Variants in CAPN2 observed in about 807,000 individuals in gnomAD.
The protein encoded by CAPN2 is calpain-2 catalytic subunit.
In CAPN2, 92 loss-of-function variants were observed where a neutral mutation model predicts 102.3. The observed-to-expected ratio is 0.90, with a 90% CI of 0.76 to 1.07. CAPN2 has a LOEUF of 1.07. CAPN2 is among the 50% of genes least tolerant of loss of function. The pLI, the probability that CAPN2 is intolerant of heterozygous loss-of-function variation, is 0.00. For missense variants in CAPN2, 800 were observed against 909.4 expected, an observed-to-expected ratio of 0.88 and a Z score of 1.55; for synonymous variants, 340 against 355.4, an observed-to-expected ratio of 0.96 and a Z score of 0.49.
chr1:223,750,479 C>T (rs1183356553), intron 6 of CAPN2, among the ~76,000 whole-genome samples: 1 of 152,134 alleles, frequency 6.6e-6, no homozygotes, highest in Non-Finnish European at 1.5e-5. Context: ...TTCTGGCGAC[C>T]CACCCCAACC....
Position 223,755,439 on chromosome 1 carries a change from C to T in CAPN2, c.1136-41C>T. 1 of 1,608,392 alleles carries T rather than the reference C, an allele frequency of 6.2e-7. No homozygotes were observed. ...GGGCCACCCCCCACCCCCATGCATTCCTGCTCAGGGCTGGGCTCCTCTGCC... is the reference window on the plus strand; with the variant it reads ...GGGCCACCCCCCACCCCCATGCATTTCTGCTCAGGGCTGGGCTCCTCTGCC... On this transcript the variant is annotated intron_variant, in intron 9 of 20. Coordinates refer to ENST00000295006, the MANE Select transcript of CAPN2 (RefSeq NM_001748.5). This position sits in a 1 kb window ranked among gnomAD's most constrained non-coding sequence, Gnocchi z 4.1.
At chr1:223,752,743 G>C in intron 8 of CAPN2, 53 bp from the exon 9 acceptor site, 1 of 1,587,344 alleles carries the variant, frequency 6.3e-7, no homozygotes, top group Non-Finnish European at 8.6e-7. Context: ...GAAAGTCAAG[G>C]CTTACCAGTG....
At chr1:223,769,313 G>A (rs960429307) in intron 16 of CAPN2, among the ~76,000 whole-genome samples, 2 of 152,040 alleles carry the variant, frequency 1.3e-5, no homozygotes, top group African/African-American at 4.8e-5. Context: ...TAGAGACAGG[G>A]TTTCACCGTG....
chr1:223,717,900 C>A (rs946970663), intron 2 of CAPN2, 69 bp downstream of exon 2: 2 of 1,165,868 alleles, frequency 1.7e-6, no homozygotes, highest in Non-Finnish European at 1.3e-6. Flanking sequence ...AGATGAGGGA[C>A]AACCTGTGGC....
rs372532675 is a variant in CAPN2 at position 223,757,401 on chromosome 1, G to A, written c.1317+21G>A. On this transcript the variant is annotated intron_variant, in intron 11 of 20. Transcript: ENST00000295006. ...AGGAGGTACGTCTGGCCCATGTCCC[G>A]GGGTGCTCAGGTCACCAAAAAAGCG... 7.4e-5 allele frequency: 120 copies of A among 1,613,854 alleles called. 2 individuals carry two copies. The highest frequency in any genetic ancestry group is 8.4e-5 in the Non-Finnish European group (99 of 1,179,930).
At chr1:223,702,619 T>A (rs1026544609) in intron 1 of CAPN2, among the ~76,000 whole-genome samples, 1 of 152,114 alleles carries the variant, frequency 6.6e-6, no homozygotes, top group African/African-American at 2.4e-5. Context: ...CCTCTGTATA[T>A]ACATCAAGAA....
chr1:223,708,933 A>G (rs781293875), upstream of CAPN2, among the ~76,000 whole-genome samples: 4 of 152,190 alleles, frequency 2.6e-5, no homozygotes, highest in South Asian at 2.1e-4. Context: ...GACAATTCCA[A>G]TTCAGAGAAT....
At chr1:223,739,882 G>A (rs946674918) in intron 2 of CAPN2, among the ~76,000 whole-genome samples, 5 of 152,120 alleles carry the variant, frequency 3.3e-5, no homozygotes, top group Admixed American at 1.3e-4. Flanking sequence ...TAAACTCTTC[G>A]TCTCACCCTT....
chr1:223,730,266 A>G (rs1342191211), intron 2 of CAPN2, among the ~76,000 whole-genome samples: 1 of 151,954 alleles, frequency 6.6e-6, no homozygotes, highest in Admixed American at 6.6e-5. Context: ...AGCTTGTCCA[A>G]CCCTCGTGCT....
chr1:223,745,585 A>G, intron 4 of CAPN2, 146 bp downstream of exon 4: 1 of 765,184 alleles, frequency 1.3e-6, no homozygotes, highest in Middle Eastern at 3.9e-4. Flanking sequence ...AGCCTGGCCA[A>G]CATGATGAAA....
chr1:223,717,708 C>A, intron 1 of CAPN2, 54 bp from the exon 2 acceptor site: 1 of 1,436,894 alleles, frequency 7.0e-7, no homozygotes, highest in Non-Finnish European at 9.8e-7. Flanking sequence ...GGCATCCTAG[C>A]TGCAGAAGCA....
intron 15 of CAPN2, 59 bp from the exon 16 acceptor site, chr1:223,766,308 A>G: frequency 8.1e-7 from 1 of 1,236,610 alleles, no homozygotes; most frequent in Non-Finnish European, 1.2e-6. Flanking sequence ...GATTGTGGAA[A>G]GTTCAGTTGG....
Position 223,759,731 on chromosome 1 carries a change from G to T in CAPN2, c.1529+250G>T, listed in dbSNP as rs1001340172. On this transcript the variant is annotated intron_variant, in intron 12 of 20. Coordinates refer to ENST00000295006, the MANE Select transcript of CAPN2 (RefSeq NM_001748.5). This position sits in a 1 kb window ranked among gnomAD's most constrained non-coding sequence, Gnocchi z 4.6. ...AGGGGTGGCTGTACAGTGAATTGCA[G>T]GGTCTAATTTCATAAGCGTGTCTCT... Among the ~76,000 whole-genome samples, 4 of 152,234 alleles carry T rather than the reference G, an allele frequency of 2.6e-5. No individual in the cohort carries two copies. Among genetic ancestry groups the T allele is most frequent in the Non-Finnish European group, 5.9e-5 (4 of 68,040 alleles).
intron 7 of CAPN2, among the ~76,000 whole-genome samples, chr1:223,751,404 A>G (rs1029848646): frequency 1.2e-4 from 19 of 152,198 alleles, no homozygotes; most frequent in African/African-American, 3.9e-4. Context: ...TGAACCCTCA[A>G]CTATTTGGGG....
chr1:223,757,485 T>C (rs1571812141), intron 11 of CAPN2, 105 bp downstream of exon 11: 1 of 1,283,500 alleles, frequency 7.8e-7, no homozygotes, highest in East Asian at 2.3e-5. Context: ...GGGCTGGTGG[T>C]CATGAAGGAT....
At chr1:223,764,014 A>G (rs1661249222) in intron 14 of CAPN2, 136 bp from the exon 15 acceptor site, 1 of 706,662 alleles carries the variant, frequency 1.4e-6, no homozygotes, top group Non-Finnish European at 2.6e-6. Flanking sequence ...AGCAGCCCCA[A>G]CATGGCTCGG....
At chr1:223,763,319 C>T (rs28370135) in intron 14 of CAPN2, among the ~76,000 whole-genome samples, 3,385 of 152,228 alleles carry the variant, frequency 0.022, 127 homozygotes, top group African/African-American at 0.076. Context: ...AGCCAGGCAT[C>T]GTCTGCTCTG....
intron 1 of CAPN2, among the ~76,000 whole-genome samples, chr1:223,703,867 C>G (rs1486760740): frequency 6.6e-6 from 1 of 152,204 alleles, no homozygotes; most frequent in African/African-American, 2.4e-5. Context: ...TATAACTCAT[C>G]AAGAGGGAAA....
chr1:223,769,460 C>T (rs1314664532), intron 16 of CAPN2, among the ~76,000 whole-genome samples: 2 of 152,068 alleles, frequency 1.3e-5, no homozygotes, highest in Non-Finnish European at 2.9e-5. Flanking sequence ...ATGGTGTACA[C>T]CTGCTAGCTC....
Sources: gnomAD v4.1 joint callset for allele counts (sites outside exome capture counted in the v4.1 genomes callset) on GRCh38, gnomAD v4.1.1 for gene constraint, Gnocchi (gnomAD v3.1) non-coding constraint, MANE v1.5 for transcripts, NCBI Gene and HGNC (gene_info 2026-07-23, HGNC 2026-07-21) for gene names.